Variants in USP53 observed in about 807,000 individuals in gnomAD.
USP53 encodes ubiquitin specific peptidase 53.
In USP53, 71 loss-of-function variants were observed where a neutral mutation model predicts 94.9. The ratio of observed to expected loss-of-function variants is 0.75; its 90% confidence interval spans 0.62 to 0.91. The LOEUF (loss-of-function observed/expected upper bound fraction) is 0.91. Ranked by LOEUF, USP53 falls within the 40% of genes least tolerant of loss-of-function variation. USP53 has a pLI of 0.00. For missense variants in USP53, 1,173 were observed against 1,281.0 expected (o/e 0.92, Z 1.29); for synonymous variants, 375 against 422.7 (o/e 0.89, Z 1.39).
rs1300146737 is a variant in USP53, at chr4:119,266,428, CTGT to C, written c.973-887_973-885del. On this transcript the variant is annotated intron_variant, in intron 12 of 18. Coordinates refer to ENST00000692078, the MANE Select transcript of USP53 (RefSeq NM_001371395.1). ...TTATGAGAGCAATGTATGAGAGTTCCTGTTGTTCCACATTCTCAGCAGCACTTC... is the reference window on the plus strand; with the variant it reads ...TTATGAGAGCAATGTATGAGAGTTCCTGTTCCACATTCTCAGCAGCACTTC... 22 of 442,122 alleles carry C rather than the reference CTGT, an allele frequency of 5.0e-5. No individual in the cohort carries two copies. In the East Asian group the frequency reaches 1.5e-3, roughly 31 times the overall value. 27.4% of individuals were successfully genotyped at this position (442,122 alleles called of 1,614,324 possible).
chr4:119,279,359 C>A (rs1438405410), intron 17 of USP53, among the ~76,000 whole-genome samples: 10 of 149,514 alleles, frequency 6.7e-5, no homozygotes, highest in Admixed American at 2.0e-4. Flanking sequence ...AGTACCCTGC[C>A]GTGTGAGGTG....
rs747131511 is a variant in USP53 at position 119,292,547 on chromosome 4, G to A, written c.2558G>A (p.Arg853Lys). Reference sequence around the variant, plus strand: ...GTTGATAACTCTGCTTCTGGGAAGAGAGTGAACAGTAATGAACCATCTTCA... The same window carrying A: ...GTTGATAACTCTGCTTCTGGGAAGAAAGTGAACAGTAATGAACCATCTTCA... ...FHVDNSASGKRVNSNEPSSLW... is the reference protein window; with the variant it reads ...FHVDNSASGKKVNSNEPSSLW... Residue 853 changes from arginine (R) to lysine (K), a missense_variant, in exon 19 of 19, where the codon AGA becomes AAA. Transcript: ENST00000692078. The A allele has an allele frequency of 9.9e-6, 16 of 1,614,052 alleles. No homozygotes were observed. In the South Asian group the frequency reaches 1.5e-4, roughly 16 times the overall value.
chr4:119,213,660 A>ATATATGTGTGTGTGTGTG, intron 1 of USP53, among the ~76,000 whole-genome samples: 8 of 117,708 alleles, frequency 6.8e-5, no homozygotes, highest in African/African-American at 2.9e-4. Flanking sequence ...ATATATATAT[A>ATATATGTGTGTGTGTGTG]TGTGTGTGTG....
chr4:119,268,350 G>C lies in USP53; in HGVS notation c.1218G>C (p.Gln406His). The C allele has an allele frequency of 6.2e-7, 1 of 1,613,974 alleles. No individual in the cohort carries two copies. The highest frequency in any genetic ancestry group is 8.5e-7 in the Non-Finnish European group (1 of 1,179,952). ...FGDQAKQREN[Q>H]KFPTDNISSS... ...ATCAGGCAAAGCAGAGAGAAAATCA[G>C]AAATTTCCAACTGATAATATTTCAT... is the stretch of plus-strand genomic sequence containing the variant. Residue 406 changes from glutamine (Q) to histidine (H), a missense_variant, in exon 14 of 19, where the codon CAG (glutamine) becomes CAC (histidine). Physicochemically the swap from Gln to His is conservative, Grantham distance 24. Coordinates refer to ENST00000692078, the MANE Select transcript of USP53 (RefSeq NM_001371395.1).
chr4:119,293,244 A>C lies in USP53; in HGVS notation c.*33A>C, dbSNP rs1373893028. The C allele has an allele frequency of 2.6e-6, 4 of 1,534,652 alleles. No individual in the cohort carries two copies. Among genetic ancestry groups the C allele is most frequent in the Middle Eastern group, 1.8e-4 (1 of 5,708 alleles). ...AAGGACTAGACCTGTGTTACATAAT[A>C]ATCTTGGTTCAAGCTGCCCTTCTGA... On this transcript the variant is annotated 3_prime_UTR_variant, in exon 19 of 19. Transcript: ENST00000692078.
intron 15 of USP53, among the ~76,000 whole-genome samples, chr4:119,270,052 T>TTC (rs372108011): frequency 2.7e-5 from 4 of 147,252 alleles, no homozygotes; most frequent in Non-Finnish European, 6.0e-5. Context: ...TATATATAAT[T>TTC]TATATAGTTT....
chr4:119,289,534 A>G (rs1344613190), intron 17 of USP53, among the ~76,000 whole-genome samples: 1 of 152,250 alleles, frequency 6.6e-6, no homozygotes, highest in Admixed American at 6.5e-5. Flanking sequence ...GACTTGGTAC[A>G]TATTGGGTAT....
At chr4:119,279,900 A>G (rs1408763594) in intron 17 of USP53, among the ~76,000 whole-genome samples, 3 of 152,218 alleles carry the variant, frequency 2.0e-5, no homozygotes, top group Admixed American at 6.5e-5. Context: ...TGACTCGGAA[A>G]GGGGACTCCC....
chr4:119,237,313 T>G (rs1295289546), intron 4 of USP53, among the ~76,000 whole-genome samples: 1 of 152,162 alleles, frequency 6.6e-6, no homozygotes, highest in Non-Finnish European at 1.5e-5. Flanking sequence ...TAAGTGAGCA[T>G]TGGCTTCAAC....
intron 5 of USP53, among the ~76,000 whole-genome samples, chr4:119,241,954 T>G (rs1253749985): frequency 6.6e-6 from 1 of 152,184 alleles, no homozygotes; most frequent in Non-Finnish European, 1.5e-5. Context: ...TTACTCCATT[T>G]TCAAGTTCAT....
intron 9 of USP53, among the ~76,000 whole-genome samples, chr4:119,257,173 G>A (rs1191135791): frequency 3.3e-5 from 5 of 152,150 alleles, no homozygotes; most frequent in African/African-American, 9.7e-5. Context: ...TGGGCACAGT[G>A]GCTCATGCCT....
chr4:119,231,636 A>C (rs914405111), intron 3 of USP53, among the ~76,000 whole-genome samples: 1 of 152,142 alleles, frequency 6.6e-6, no homozygotes, highest in Admixed American at 6.5e-5. Flanking sequence ...AGGGCTCAGC[A>C]TATAGTTGTA....
At chr4:119,285,254 G>A (rs764678141) in intron 17 of USP53, among the ~76,000 whole-genome samples, 3 of 151,830 alleles carry the variant, frequency 2.0e-5, no homozygotes, top group Non-Finnish European at 4.4e-5. Flanking sequence ...ATTTGTGTTA[G>A]GTAGAACAGC....
At chr4:119,214,029 T>C (rs1321306430) in intron 1 of USP53, 41 bp from the exon 2 acceptor site, 2 of 152,048 alleles carry the variant, frequency 1.3e-5, no homozygotes, top group Non-Finnish European at 2.9e-5. Flanking sequence ...GGAAATGAAC[T>C]TTTAGTTACA....
chr4:119,273,625 T>A lies in USP53; in HGVS notation c.2175-7T>A. ...CTGATGTGTTTAGTGTGTATTTTATTTTCTAGTGACCAGATTACGACAAGC... is the reference window on the plus strand; with the variant it reads ...CTGATGTGTTTAGTGTGTATTTTATATTCTAGTGACCAGATTACGACAAGC... On this transcript the variant is annotated splice_region_variant and splice_polypyrimidine_tract_variant and intron_variant, in intron 16 of 18. Transcript: ENST00000692078. 1 of 1,611,450 alleles carries A rather than the reference T, an allele frequency of 6.2e-7. No homozygotes were observed. Among genetic ancestry groups the A allele is most frequent in the Non-Finnish European group, 8.5e-7 (1 of 1,178,304 alleles).
At chr4:119,262,509 TTACAGTAAAG>T (rs1433420371) in intron 12 of USP53, among the ~76,000 whole-genome samples, 1 of 151,766 alleles carries the variant, frequency 6.6e-6, no homozygotes, top group Non-Finnish European at 1.5e-5. Context: ...TACTGTACTC[TTACAGTAAAG>T]TAAGCAAGAA....
At chr4:119,264,166 T>C (rs192566985) in intron 12 of USP53, among the ~76,000 whole-genome samples, 115 of 152,268 alleles carry the variant, frequency 7.6e-4, no homozygotes, top group African/African-American at 2.5e-3. Context: ...CAAAGTTCAA[T>C]GAAATTCAAT....
intron 15 of USP53, among the ~76,000 whole-genome samples, chr4:119,270,591 TC>T (rs1751729039): frequency 6.6e-6 from 1 of 152,182 alleles, no homozygotes; most frequent in African/African-American, 2.4e-5. Context: ...GTGAAGGGAC[TC>T]CTTTTCTGGC....
At chr4:119,218,526 T>G (rs923018463) in intron 3 of USP53, 1 of 152,222 alleles carries the variant, frequency 6.6e-6, no homozygotes, top group African/African-American at 2.4e-5. Context: ...TACTTAAAAC[T>G]TACTGTTTTT....
Sources: allele counts gnomAD v4.1 joint callset (sites outside exome capture counted in the v4.1 genomes callset), GRCh38; gene constraint gnomAD v4.1.1; transcripts MANE v1.5; gene names NCBI Gene and HGNC (gene_info 2026-07-23, HGNC 2026-07-21).